The following PTPRZ1 variants were observed in gnomAD, a reference collection of about 807,000 sequenced individuals.
PTPRZ1 encodes receptor-type tyrosine-protein phosphatase zeta.
In PTPRZ1, 82 loss-of-function variants were observed where a neutral mutation model predicts 214.1. The observed-to-expected ratio is 0.38, with a 90% CI of 0.32 to 0.46. The LOEUF (loss-of-function observed/expected upper bound fraction) is 0.46, where lower values mean the gene tolerates loss of function less well. PTPRZ1 is among the 20% of genes least tolerant of loss of function. PTPRZ1 has a pLI of 1.00. For missense variants in PTPRZ1, 2,603 were observed against 2,748.7 expected, an observed-to-expected ratio of 0.95 and a Z score of 1.19; for synonymous variants, 945 against 987.9, an observed-to-expected ratio of 0.96 and a Z score of 0.81.
intron 1 of PTPRZ1, among the ~76,000 whole-genome samples, chr7:121,893,288 G>T (rs994730877): frequency 1.2e-4 from 18 of 152,176 alleles, no homozygotes; most frequent in African/African-American, 4.3e-4. Flanking sequence ...AACAAGAATA[G>T]ATTTGTTTCT....
intron 14 of PTPRZ1, among the ~76,000 whole-genome samples, chr7:122,030,642 G>T (rs17144026): frequency 0.019 from 2,864 of 151,964 alleles, 88 homozygotes; most frequent in African/African-American, 0.065. Context: ...TAAAATATTA[G>T]ATGGCCTAAA....
rs575765589 is a variant in PTPRZ1, at chr7:122,025,285, A to C, written c.4989-3267A>C. 3.3e-5 allele frequency among the ~76,000 whole-genome samples: 5 copies of C among 151,962 alleles called. No individual in the cohort carries two copies. The East Asian group carries it at 7.7e-4, about 23-fold the overall frequency. On this transcript the variant is annotated intron_variant, in intron 13 of 29. Transcript: ENST00000393386. ...TGTCCAGGAAATGAAGATTACTCTT[A>C]GATTGATTAGGTGTATTTTTCAAAA... is the stretch of plus-strand genomic sequence containing the variant.
Position 122,040,940 on chromosome 7 carries a change from C to A in PTPRZ1, c.5762C>A (p.Ala1921Asp). The change falls in exon 21 of 30, where the codon GCC becomes GAC. Residue 1921 changes from alanine (A) to aspartate (D), a missense_variant. Transcript: ENST00000393386. ...VLTFVRKAAY[A>D]KRHAVGPVVV... is the part of the protein sequence containing the mutation. ...ACCTTTGTGAGAAAGGCAGCCTATGCCAAGCGCCATGCAGTGGGGCCTGTT... is the reference window on the plus strand; with the variant it reads ...ACCTTTGTGAGAAAGGCAGCCTATGACAAGCGCCATGCAGTGGGGCCTGTT... The A allele has an allele frequency of 6.3e-7, 1 of 1,595,914 alleles. No individual in the cohort carries two copies. Among genetic ancestry groups the A allele is most frequent in the Non-Finnish European group, 8.6e-7 (1 of 1,166,760 alleles).
intron 26 of PTPRZ1, 99 bp downstream of exon 26, chr7:122,054,137 T>G: frequency 2.2e-6 from 3 of 1,362,302 alleles, no homozygotes; most frequent in Non-Finnish European, 3.0e-6. Context: ...GTAATTTTGT[T>G]TTCAACTAAT....
At chr7:122,041,001 C>G (rs758402003) in intron 21 of PTPRZ1, 22 bp downstream of exon 21, 2 of 1,473,246 alleles carry the variant, frequency 1.4e-6, no homozygotes, top group Non-Finnish European at 1.8e-6. Context: ...AGATGTGCCT[C>G]TAAACCCATA....
chr7:121,907,515 G>A (rs1414111022), intron 1 of PTPRZ1, among the ~76,000 whole-genome samples: 1 of 151,868 alleles, frequency 6.6e-6, no homozygotes, highest in African/African-American at 2.4e-5. Context: ...ATTAAAGAGT[G>A]ATTTCAGTAT....
rs761632772 is a variant in PTPRZ1 at position 122,013,431 on chromosome 7, A to G, written c.4385A>G (p.His1462Arg). 1 of 1,614,088 alleles carries G rather than the reference A, an allele frequency of 6.2e-7. No individual in the cohort carries two copies. Among genetic ancestry groups the G allele is most frequent in the African/African-American group, 1.3e-5 (1 of 74,946 alleles). ...QEKVMNDSDT[H>R]ENSLMDQNNP... ...AAGGTAATGAATGATTCAGACACCC[A>G]CGAAAACAGTCTTATGGATCAGAAT... Residue 1462 changes from histidine to arginine, a missense_variant, in exon 12 of 30, where the codon CAC (histidine) becomes CGC (arginine). This residue lies in a region of PTPRZ1 where 1,913 missense variants were observed against 1,914.3 expected (regional missense o/e 1.00). Transcript: ENST00000393386.
chr7:121,921,812 GTC>G (rs1448424768), intron 1 of PTPRZ1, among the ~76,000 whole-genome samples: 1 of 152,068 alleles, frequency 6.6e-6, no homozygotes, highest in East Asian at 1.9e-4. Flanking sequence ...TATTTTTTAG[GTC>G]TTTTGGTTAC....
chr7:122,055,153 G>T, intron 27 of PTPRZ1, 66 bp downstream of exon 27: 2 of 1,284,124 alleles, frequency 1.6e-6, no homozygotes, highest in Admixed American at 2.7e-5. Flanking sequence ...TCTGACCTAA[G>T]GATCTGTCCT....
intron 10 of PTPRZ1, among the ~76,000 whole-genome samples, chr7:121,999,512 C>T (rs1429768132): frequency 6.6e-6 from 1 of 152,100 alleles, no homozygotes; most frequent in Non-Finnish European, 1.5e-5. Flanking sequence ...AAAAAAATCT[C>T]TTCTACCTTT....
chr7:121,896,571 T>C (rs1251899396), intron 1 of PTPRZ1, among the ~76,000 whole-genome samples: 4 of 151,938 alleles, frequency 2.6e-5, no homozygotes, highest in Non-Finnish European at 5.9e-5. Context: ...AAGAACAGTA[T>C]GCCCATCCTG....
intron 1 of PTPRZ1, chr7:121,908,380 A>G: frequency 5.7e-6 from 2 of 350,216 alleles, no homozygotes; most frequent in Admixed American, 4.1e-5. Context: ...AATATCAACT[A>G]TACATCATCT....
At chr7:122,052,385 C>A (rs970372400) in intron 25 of PTPRZ1, among the ~76,000 whole-genome samples, 1 of 152,120 alleles carries the variant, frequency 6.6e-6, no homozygotes, top group African/African-American at 2.4e-5. Context: ...TCTAAAGATA[C>A]AATGCTTTTC....
chr7:122,036,825 A>AT (rs1799558166), intron 18 of PTPRZ1, 143 bp downstream of exon 18: 1 of 622,782 alleles, frequency 1.6e-6, no homozygotes, highest in African/African-American at 1.9e-5. Flanking sequence ...ACAGTAAATA[A>AT]TTTTTAAGAG....
intron 27 of PTPRZ1, 27 bp downstream of exon 27, chr7:122,055,114 T>G: frequency 1.4e-6 from 2 of 1,476,646 alleles, no homozygotes; most frequent in South Asian, 2.6e-5. Context: ...AATGACAAAC[T>G]TTTTATCTTA....
At chr7:122,000,231 T>C (rs1798276304) in intron 10 of PTPRZ1, among the ~76,000 whole-genome samples, 1 of 152,200 alleles carries the variant, frequency 6.6e-6, no homozygotes, top group African/African-American at 2.4e-5. Context: ...CTTTCTGATC[T>C]GAAAGGCTGC....
chr7:121,950,017 G>A (rs568698805), intron 2 of PTPRZ1, among the ~76,000 whole-genome samples: 1 of 152,278 alleles, frequency 6.6e-6, no homozygotes, highest in Admixed American at 6.5e-5. Flanking sequence ...ACATACCCGC[G>A]ACTAAGCAAT....
At chr7:122,026,190 A>G (rs181078500) in intron 13 of PTPRZ1, among the ~76,000 whole-genome samples, 1 of 152,284 alleles carries the variant, frequency 6.6e-6, no homozygotes, top group African/African-American at 2.4e-5. Flanking sequence ...ATTCAAAAGG[A>G]GTGATCTCCT....
chr7:121,968,108 C>T lies in PTPRZ1; in HGVS notation c.282C>T (p.Phe94=). Residue 94 remains phenylalanine, a synonymous_variant, in exon 3 of 30, where the codon TTC becomes TTT. Coordinates refer to ENST00000393386, the MANE Select transcript of PTPRZ1 (RefSeq NM_002851.3). ...ATAAAACATCATTGGAAAACACATT[C>T]ATTCATAACACTGGGAAAACAGGTA... ...GWDKTSLENT[F]IHNTGKTVEI... 6.2e-7 allele frequency: 1 copy of T among 1,600,298 alleles called. No individual in the cohort carries two copies. The highest frequency in any genetic ancestry group is 8.5e-7 in the Non-Finnish European group (1 of 1,175,688).
Sources: gnomAD v4.1 joint callset for allele counts (sites outside exome capture counted in the v4.1 genomes callset) on GRCh38, gnomAD v4.1.1 for gene constraint, gnomAD v4.1.1 regional missense constraint, MANE v1.5 for transcripts, NCBI Gene and HGNC (gene_info 2026-07-23, HGNC 2026-07-21) for gene names.